MFHAS1: variants seen among roughly 807,000 people sequenced by gnomAD.
MFHAS1 encodes the protein malignant fibrous histiocytoma-amplified sequence 1.
A neutral mutation model predicts 70.4 loss-of-function variants in MFHAS1; 50 were observed. The observed-to-expected ratio is 0.71, with a 90% CI of 0.57 to 0.90. MFHAS1 has a LOEUF of 0.90. MFHAS1 is among the 40% of genes least tolerant of loss of function. The pLI is 0.00. For missense variants in MFHAS1, 1,795 were observed against 1,347.6 expected, an observed-to-expected ratio of 1.33 and a Z score of -5.20; for synonymous variants, 952 against 620.0, an observed-to-expected ratio of 1.54 and a Z score of -7.96.
rs868742299 is a variant in MFHAS1, at chr8:8,891,741, C to G, written c.1318G>C (p.Gly440Arg). Residue 440 changes from glycine (G) to arginine (R), a missense_variant, in exon 1 of 3, where the codon GGA becomes CGA. Coordinates refer to ENST00000276282, the MANE Select transcript of MFHAS1 (RefSeq NM_004225.3). The surrounding 1 kb of genome is among the most constrained non-coding windows in gnomAD (Gnocchi z 5.4). ...TEERVEGCPG[G>R]GDKEKCYPPS... ...GGGTAGCACTTCTCCTTGTCCCCTC[C>G]TCCTGGGCATCCCTCCACTCTCTCC... is the stretch of plus-strand genomic sequence containing the variant. 1.9e-6 allele frequency: 3 copies of G among 1,613,338 alleles called. No homozygotes were observed. The African/African-American group carries it at 4.0e-5, about 22-fold the overall frequency.
At chr8:8,844,402 C>G (rs1007036247) in intron 1 of MFHAS1, among the ~76,000 whole-genome samples, 6 of 152,198 alleles carry the variant, frequency 3.9e-5, no homozygotes, top group Non-Finnish European at 5.9e-5. Flanking sequence ...CAAAACATGA[C>G]TCTATTCACA....
chr8:8,795,699 C>A (rs953532185), intron 2 of MFHAS1, among the ~76,000 whole-genome samples: 1 of 152,174 alleles, frequency 6.6e-6, no homozygotes, highest in East Asian at 1.9e-4. Context: ...TGGGAACCCT[C>A]GCTTTGCAGG....
In MFHAS1 at chr8:8,892,509, G is replaced by A. The variant is rs148791373; in HGVS notation, c.550C>T (p.Arg184Cys). Reference protein sequence around the residue: ...PDSLSCLSRLRTLDVDHNQLT... With the variant: ...PDSLSCLSRLCTLDVDHNQLT... Reference sequence around the variant, plus strand: ...TGGTTGTGATCCACGTCCAGGGTGCGCAGGCGGGAGAGGCAGGAGAGGGAG... The same window carrying A: ...TGGTTGTGATCCACGTCCAGGGTGCACAGGCGGGAGAGGCAGGAGAGGGAG... Residue 184 changes from arginine to cysteine, a missense_variant, in exon 1 of 3, where the codon CGC becomes TGC. Physicochemically the swap from Arg to Cys is radical, Grantham distance 180 (BLOSUM62 -3). Transcript: ENST00000276282. This position sits in a 1 kb window ranked among gnomAD's most constrained non-coding sequence, Gnocchi z 4.7. 3 of 1,602,500 alleles carry A rather than the reference G, an allele frequency of 1.9e-6. No homozygotes were observed. Among genetic ancestry groups the A allele is most frequent in the Non-Finnish European group, 2.6e-6 (3 of 1,174,604 alleles).
rs953270339 is a variant in MFHAS1, at chr8:8,886,171, C to A, written c.2998+3890G>T. On this transcript the variant is annotated intron_variant, in intron 1 of 2. Coordinates refer to ENST00000276282, the MANE Select transcript of MFHAS1 (RefSeq NM_004225.3). The stretch of plus-strand genomic sequence containing the variant: ...ATGAAACTAGTGATTGCTGGATGTG[C>A]ATTTTCCAATCATTTCTTTTTTTTT... Among the ~76,000 whole-genome samples the A allele has an allele frequency of 3.3e-5, 5 of 151,698 alleles. No individual in the cohort carries two copies. The South Asian group carries it at 1.0e-3, about 32-fold the overall frequency.
intron 1 of MFHAS1, among the ~76,000 whole-genome samples, chr8:8,848,315 C>G (rs1290071735): frequency 6.6e-6 from 1 of 151,930 alleles, no homozygotes; most frequent in Non-Finnish European, 1.5e-5. Flanking sequence ...CCAATTTACA[C>G]ACCGCTGAAC....
chr8:8,866,855 G>A (rs7841466), intron 1 of MFHAS1, among the ~76,000 whole-genome samples: 27,706 of 152,136 alleles, frequency 0.18, 5,297 homozygotes, highest in African/African-American at 0.48. Context: ...AAATAAAATC[G>A]TGATATGAAT....
rs115544682 is a variant in MFHAS1, at chr8:8,788,734, G to A, written c.3126-2679C>T. 2.7e-3 allele frequency among the ~76,000 whole-genome samples: 418 copies of A among 152,338 alleles called. 1 individual carries two copies. Among genetic ancestry groups the A allele is most frequent in the African/African-American group, 9.9e-3 (412 of 41,576 alleles). On this transcript the variant is annotated intron_variant, in intron 2 of 2. Transcript: ENST00000276282. Reference sequence around the variant, plus strand: ...ATGAAGAACAGAGTGACTGGTTACAGTTAGGATGGTTACGGGAGGCTCCCC... The same window carrying A: ...ATGAAGAACAGAGTGACTGGTTACAATTAGGATGGTTACGGGAGGCTCCCC...
chr8:8,802,768 G>C (rs73519953), intron 1 of MFHAS1, among the ~76,000 whole-genome samples: 1 of 152,154 alleles, frequency 6.6e-6, no homozygotes, highest in East Asian at 1.9e-4. Context: ...GCTATCTTGG[G>C]GGGTGAAGGA....
At chr8:8,801,987 C>T (rs1266850454) in intron 1 of MFHAS1, among the ~76,000 whole-genome samples, 4 of 152,188 alleles carry the variant, frequency 2.6e-5, no homozygotes, top group African/African-American at 9.7e-5. Context: ...GAATGGAGAA[C>T]GATGCGTGCA....
intron 2 of MFHAS1, chr8:8,790,242 C>T (rs1805678668): frequency 3.3e-6 from 1 of 306,486 alleles, no homozygotes; most frequent in Non-Finnish European, 4.8e-6. Context: ...ATCCCAACAC[C>T]CCCATATCCC....
At chr8:8,830,496 C>T (rs1807345583) in intron 1 of MFHAS1, among the ~76,000 whole-genome samples, 1 of 152,124 alleles carries the variant, frequency 6.6e-6, no homozygotes, top group African/African-American at 2.4e-5. Flanking sequence ...TTAAATAGGA[C>T]ATTAGTGGGG....
intron 2 of MFHAS1, among the ~76,000 whole-genome samples, chr8:8,792,883 T>G (rs10100066): frequency 0.31 from 47,668 of 152,130 alleles, 8,521 homozygotes; most frequent in African/African-American, 0.47. Context: ...CCAGAATTTT[T>G]CAGAGCGACC....
chr8:8,789,306 G>A (rs1254057951), intron 2 of MFHAS1, among the ~76,000 whole-genome samples: 2 of 152,208 alleles, frequency 1.3e-5, no homozygotes, highest in Non-Finnish European at 2.9e-5. Context: ...GCTTGGAGCC[G>A]ATGGTACAAA....
intron 1 of MFHAS1, among the ~76,000 whole-genome samples, chr8:8,814,750 G>C (rs995046016): frequency 6.6e-6 from 1 of 151,950 alleles, no homozygotes; most frequent in Non-Finnish European, 1.5e-5. Flanking sequence ...AAGGTAAACC[G>C]ATGGTAAATA....
chr8:8,866,179 G>A (rs557531971), intron 1 of MFHAS1, among the ~76,000 whole-genome samples: 1 of 152,066 alleles, frequency 6.6e-6, no homozygotes, highest in East Asian at 1.9e-4. Context: ...CTTTACCATT[G>A]GTTCAGTAAA....
chr8:8,876,306 C>A (rs556754390), intron 1 of MFHAS1, among the ~76,000 whole-genome samples: 101 of 152,246 alleles, frequency 6.6e-4, no homozygotes, highest in Middle Eastern at 3.4e-3. Flanking sequence ...ATCTATAAAG[C>A]AAATACAAAC....
At chr8:8,788,867 C>T (rs565326619) in intron 2 of MFHAS1, among the ~76,000 whole-genome samples, 8 of 152,136 alleles carry the variant, frequency 5.3e-5, no homozygotes, top group Non-Finnish European at 8.8e-5. Context: ...CGGCCCACCA[C>T]GGCTGACCTC....
chr8:8,787,464 G>A (rs892850062), intron 2 of MFHAS1, among the ~76,000 whole-genome samples: 1 of 152,160 alleles, frequency 6.6e-6, no homozygotes, highest in Admixed American at 6.5e-5. Context: ...GACAGAGCCA[G>A]GCCTTTCACT....
intron 1 of MFHAS1, among the ~76,000 whole-genome samples, chr8:8,850,296 C>G (rs1423406183): frequency 1.3e-5 from 2 of 152,184 alleles, no homozygotes; most frequent in Non-Finnish European, 2.9e-5. Context: ...CTTAACATGT[C>G]TGTGACAATA....
Sources: gnomAD v4.1 joint callset for allele counts (sites outside exome capture counted in the v4.1 genomes callset) on GRCh38, gnomAD v4.1.1 for gene constraint, Gnocchi (gnomAD v3.1) non-coding constraint, MANE v1.5 for transcripts, NCBI Gene and HGNC (gene_info 2026-07-23, HGNC 2026-07-21) for gene names.